TRIO: variants seen among roughly 807,000 people sequenced by gnomAD.
The protein encoded by TRIO is triple functional domain protein.
In TRIO, 58 loss-of-function variants were observed where a neutral mutation model predicts 351.9. The ratio of observed to expected loss-of-function variants is 0.16; its 90% CI spans 0.13 to 0.21. The LOEUF is 0.21. Among genes scored for constraint, TRIO ranks in the 10% least tolerant of loss-of-function variants. The pLI is 1.00. For synonymous variants in TRIO, 1,758 were observed against 1,595.7 expected (o/e 1.10, Z -2.42); for missense variants, 3,201 against 4,027.8 (o/e 0.79, Z 5.56).
chr5:14,461,783 T>A (rs1753830287), intron 35 of TRIO, among the ~76,000 whole-genome samples: 1 of 152,220 alleles, frequency 6.6e-6, no homozygotes, highest in East Asian at 1.9e-4. Flanking sequence ...GTTTGCACTT[T>A]CCAATTGTTT....
At chr5:14,323,741 C>G (rs1009862211) in intron 9 of TRIO, among the ~76,000 whole-genome samples, 1 of 152,130 alleles carries the variant, frequency 6.6e-6, no homozygotes, top group African/African-American at 2.4e-5. Flanking sequence ...GTAAAGTACG[C>G]CAGAGCACTA....
intron 1 of TRIO, among the ~76,000 whole-genome samples, chr5:14,200,296 C>T (rs2152170825): frequency 6.6e-6 from 1 of 152,346 alleles, no homozygotes; most frequent in South Asian, 2.1e-4. Flanking sequence ...TAAGTGCCAC[C>T]TGCTCAAGAG....
Position 14,286,801 on chromosome 5 carries a change from A to C in TRIO, c.348-70A>C. The C allele has an allele frequency of 6.5e-7, 1 of 1,527,422 alleles. No homozygotes were observed. Among genetic ancestry groups the C allele is most frequent in the African/African-American group, 1.4e-5 (1 of 73,276 alleles). The allele number at this position is 1,527,422 out of a possible 1,614,324, so 94.6% of individuals were successfully genotyped here. On this transcript the variant is annotated intron_variant, in intron 3 of 56. Transcript: ENST00000344204. The surrounding 1 kb of genome is among the most constrained non-coding windows in gnomAD (Gnocchi z 4.4). ...GAGGGAAGCTGGGTCTGTGGCACCC[A>C]GTGGGACTCTGACCAGGCAGAGTGG...
chr5:14,324,349 T>A (rs1469722429), intron 9 of TRIO, among the ~76,000 whole-genome samples: 1 of 152,232 alleles, frequency 6.6e-6, no homozygotes, highest in African/African-American at 2.4e-5. Context: ...AGATGTGACT[T>A]AGAAGGGGTT....
At chr5:14,189,574 C>T (rs1372696967) in intron 1 of TRIO, among the ~76,000 whole-genome samples, 1 of 152,152 alleles carries the variant, frequency 6.6e-6, no homozygotes, top group African/African-American at 2.4e-5. Flanking sequence ...ATGACCAAGG[C>T]ACTGGATAAA....
chr5:14,295,573 CAG>C (rs1451440112), intron 6 of TRIO, among the ~76,000 whole-genome samples: 3 of 152,230 alleles, frequency 2.0e-5, no homozygotes, highest in Admixed American at 2.0e-4. Flanking sequence ...CAGATCCTAA[CAG>C]AGTGCATCTT....
At chr5:14,433,513 G>GAGC (rs1245349606) in intron 34 of TRIO, among the ~76,000 whole-genome samples, 1 of 152,240 alleles carries the variant, frequency 6.6e-6, no homozygotes, top group Admixed American at 6.5e-5. Context: ...ATATTGTGCA[G>GAGC]AGCGGAAACG....
chr5:14,387,347 G>A (rs1746630557), intron 21 of TRIO, 91 bp from the exon 22 acceptor site: 6 of 1,348,266 alleles, frequency 4.5e-6, no homozygotes, highest in Non-Finnish European at 6.1e-6. Context: ...CCTGTTCAGA[G>A]CTCAGAGTTG....
chr5:14,317,793 C>T (rs1739500145), intron 9 of TRIO, among the ~76,000 whole-genome samples: 1 of 151,890 alleles, frequency 6.6e-6, no homozygotes, highest in African/African-American at 2.4e-5. Context: ...GAGTTTGAGA[C>T]CAGCCTGGCC....
chr5:14,204,943 G>C lies in TRIO; in HGVS notation c.157+61061G>C, dbSNP rs149242456. On this transcript the variant is annotated intron_variant, in intron 1 of 56. Transcript: ENST00000344204. ...ACACTTTAGTAATAATATTAGTCAG[G>C]GGTGTTTCTAGCCGTGTAGAAGTCT... Among the ~76,000 whole-genome samples the C allele has an allele frequency of 4.1e-4, 63 of 152,282 alleles. No homozygotes were observed. The East Asian group carries it at 0.01, about 25-fold the overall frequency.
intron 1 of TRIO, among the ~76,000 whole-genome samples, chr5:14,150,799 T>G (rs747503763): frequency 6.6e-6 from 1 of 152,214 alleles, no homozygotes; most frequent in Non-Finnish European, 1.5e-5. Context: ...GTGTTCATAC[T>G]TTGCTATGTA....
At chr5:14,460,909 C>G (rs751232974) in intron 34 of TRIO, 110 bp from the exon 35 acceptor site, 13 of 1,310,160 alleles carry the variant, frequency 9.9e-6, no homozygotes, top group Admixed American at 3.0e-5. Context: ...AGCCCGCTGA[C>G]GAGGCATCCA....
At chr5:14,295,443 C>G (rs987790401) in intron 6 of TRIO, among the ~76,000 whole-genome samples, 17 of 152,190 alleles carry the variant, frequency 1.1e-4, no homozygotes, top group Non-Finnish European at 1.9e-4. Flanking sequence ...AAGCATCATA[C>G]ATAGACTAGT....
intron 11 of TRIO, among the ~76,000 whole-genome samples, chr5:14,345,241 T>C (rs1742313331): frequency 6.6e-6 from 1 of 152,226 alleles, no homozygotes; most frequent in Non-Finnish European, 1.5e-5. Flanking sequence ...TGGAAGATCA[T>C]GCAGTGCTGA....
chr5:14,305,629 T>A (rs1322285105), intron 8 of TRIO, among the ~76,000 whole-genome samples: 1 of 152,188 alleles, frequency 6.6e-6, no homozygotes, highest in Non-Finnish European at 1.5e-5. Context: ...CATCCAAACT[T>A]GTCAAAGTTG....
At chr5:14,396,703 C>T (rs892875107) in intron 28 of TRIO, among the ~76,000 whole-genome samples, 4 of 151,568 alleles carry the variant, frequency 2.6e-5, no homozygotes, top group Admixed American at 1.3e-4. Flanking sequence ...CTCCTGACCT[C>T]AAGTGATTCA....
intron 11 of TRIO, among the ~76,000 whole-genome samples, chr5:14,344,057 T>C (rs1742184654): frequency 6.6e-6 from 1 of 152,384 alleles, no homozygotes; most frequent in Middle Eastern, 3.4e-3. Flanking sequence ...AGCTGCGCTC[T>C]TTAGTGCATT....
intron 4 of TRIO, among the ~76,000 whole-genome samples, chr5:14,288,921 T>A (rs577994109): frequency 2.0e-5 from 3 of 152,180 alleles, no homozygotes; most frequent in Non-Finnish European, 4.4e-5. Context: ...ATTAATCTGC[T>A]TCACATCATG....
At chr5:14,183,764 G>A (rs1041831484) in intron 1 of TRIO, 6 of 523,402 alleles carry the variant, frequency 1.1e-5, no homozygotes, top group South Asian at 4.4e-5. Flanking sequence ...GCATGCGGCC[G>A]CAGTTACAGC....
Sources: gnomAD v4.1 joint callset for allele counts (sites outside exome capture counted in the v4.1 genomes callset) on GRCh38, gnomAD v4.1.1 for gene constraint, Gnocchi (gnomAD v3.1) non-coding constraint, MANE v1.5 for transcripts, NCBI Gene and HGNC (gene_info 2026-07-23, HGNC 2026-07-21) for gene names.